The following NPAS1 variants were observed in gnomAD, a reference collection of about 807,000 sequenced individuals.
The protein encoded by NPAS1 is neuronal PAS domain-containing protein 1.
NPAS1 carries 29 observed loss-of-function variants against 49.2 expected under a neutral mutation model. That is an observed-to-expected ratio of 0.59 (90% CI 0.44 to 0.80). NPAS1 has a LOEUF of 0.80. Ranked by LOEUF, NPAS1 falls within the 30% of genes least tolerant of loss-of-function variation. NPAS1 has a pLI of 0.00. For missense variants in NPAS1, 825 were observed against 835.5 expected (o/e 0.99, Z 0.15); for synonymous variants, 408 against 380.4 (o/e 1.07, Z -0.84).
intron 3 of NPAS1, among the ~76,000 whole-genome samples, chr19:47,025,041 C>T (rs1189437392): frequency 7.3e-6 from 1 of 136,610 alleles, no homozygotes; most frequent in African/African-American, 2.5e-5. Flanking sequence ...GAACTCCTGA[C>T]CTCCTTATCC....
chr19:47,025,357 C>T (rs1230059876), intron 3 of NPAS1, among the ~76,000 whole-genome samples: 1 of 134,120 alleles, frequency 7.5e-6, no homozygotes, highest in Non-Finnish European at 1.7e-5. Flanking sequence ...CGGCTCACTG[C>T]AACCTCCTTC....
At chr19:47,042,066 G>T (rs982877197) in intron 10 of NPAS1, among the ~76,000 whole-genome samples, 1 of 151,776 alleles carries the variant, frequency 6.6e-6, no homozygotes, top group African/African-American at 2.4e-5. Context: ...CCAGCACTTT[G>T]GGAGGCCGAG....
chr19:47,021,068 C>G lies in NPAS1; in HGVS notation c.21C>G (p.Gly7=), dbSNP rs1315557287. 1.9e-6 allele frequency: 3 copies of G among 1,606,460 alleles called. No individual in the cohort carries two copies. Among genetic ancestry groups the G allele is most frequent in the Non-Finnish European group, 2.5e-6 (3 of 1,177,482 alleles). Residue 7 remains glycine (G), a synonymous_variant, in exon 2 of 12, where the codon GGC becomes GGG. Coordinates refer to ENST00000602212, the MANE Select transcript of NPAS1 (RefSeq NM_002517.4). This position sits in a 1 kb window ranked among gnomAD's most constrained non-coding sequence, Gnocchi z 5.7. MAAPYP[G]SGGGSEVKCV... ...CGGAGATGGCGGCCCCCTATCCCGG[C>G]AGTGGCGGCGGAAGCGAGGTCAAAT...
chr19:47,045,262 C>CGCAT lies in NPAS1; in HGVS notation c.1385_1388dup (p.Ile463MetfsTer150). The CGCAT allele has an allele frequency of 6.2e-7, 1 of 1,614,014 alleles. No individual in the cohort carries two copies. Among genetic ancestry groups the CGCAT allele is most frequent in the Non-Finnish European group, 8.5e-7 (1 of 1,179,998 alleles). On this transcript the variant is annotated frameshift_variant, in exon 12 of 12. Transcript: ENST00000602212. LOFTEE classifies it low-confidence loss of function (END_TRUNC). Reference sequence around the variant, plus strand: ...CGAGGCCCCCCAGACCCAGGGCAAACGCATCAAAGTGGAGCCCGGCCCGAG... The same window carrying CGCAT: ...CGAGGCCCCCCAGACCCAGGGCAAACGCATGCATCAAAGTGGAGCCCGGCCCGAG...
intron 11 of NPAS1, among the ~76,000 whole-genome samples, chr19:47,043,617 C>T (rs992280194): frequency 6.6e-6 from 1 of 151,958 alleles, no homozygotes; most frequent in African/African-American, 2.4e-5. Flanking sequence ...ATTAGCTGGG[C>T]ATGGTGGCAC....
chr19:47,022,388 C>T (rs2056847792), intron 3 of NPAS1, among the ~76,000 whole-genome samples: 2 of 152,216 alleles, frequency 1.3e-5, no homozygotes, highest in South Asian at 4.1e-4. Flanking sequence ...AGCCACCTCC[C>T]AGCTTTGCAA....
chr19:47,028,855 C>G (rs2056889387), intron 3 of NPAS1, among the ~76,000 whole-genome samples: 1 of 152,058 alleles, frequency 6.6e-6, no homozygotes, highest in Non-Finnish European at 1.5e-5. Flanking sequence ...TCAGGGTCAC[C>G]CAGGGGTCCT....
chr19:47,037,052 GAAAAAA>G (rs150861252), intron 6 of NPAS1, among the ~76,000 whole-genome samples: 1 of 120,644 alleles, frequency 8.3e-6, no homozygotes, highest in African/African-American at 3.2e-5. Flanking sequence ...CCAGTGTCTG[GAAAAAA>G]AAAAAAAAAA....
At position 47,023,926 on chromosome 19, in the gene NPAS1, A is replaced by G. The variant is rs1308136638; in HGVS notation, c.358+2079A>G. 5.3e-5 allele frequency among the ~76,000 whole-genome samples: 8 copies of G among 151,968 alleles called. No individual in the cohort carries two copies. In the South Asian group the frequency reaches 1.0e-3, roughly 20 times the overall value. Reference sequence around the variant, plus strand: ...TCGAGACCATCCTGGCCAACATGGTAAAATCCCATCTCTACTAAAATACAA... The same window carrying G: ...TCGAGACCATCCTGGCCAACATGGTGAAATCCCATCTCTACTAAAATACAA... On this transcript the variant is annotated intron_variant, in intron 3 of 11. Coordinates refer to ENST00000602212, the MANE Select transcript of NPAS1 (RefSeq NM_002517.4).
At chr19:47,042,533 G>A (rs1182242870) in intron 10 of NPAS1, among the ~76,000 whole-genome samples, 1 of 152,212 alleles carries the variant, frequency 6.6e-6, no homozygotes, top group Non-Finnish European at 1.5e-5. Context: ...GGAAGATGTA[G>A]ACATCAGATG....
At chr19:47,038,952 T>C in intron 6 of NPAS1, 84 bp from the exon 7 acceptor site, 1 of 1,163,858 alleles carries the variant, frequency 8.6e-7, no homozygotes, top group Non-Finnish European at 1.3e-6. Context: ...CTTGTGTCTA[T>C]GTCCGGCTGG....
At chr19:47,026,995 CAG>C (rs2056875347) in intron 3 of NPAS1, among the ~76,000 whole-genome samples, 1 of 151,966 alleles carries the variant, frequency 6.6e-6, no homozygotes, top group Non-Finnish European at 1.5e-5. Context: ...GCATGACTCC[CAG>C]TATTAGGCAC....
chr19:47,023,414 C>T (rs530636141), intron 3 of NPAS1, among the ~76,000 whole-genome samples: 2 of 152,224 alleles, frequency 1.3e-5, no homozygotes, highest in South Asian at 4.1e-4. Flanking sequence ...CCCACCTCGA[C>T]CACGGTGCCA....
At chr19:47,020,823 G>A (rs2056834179) in intron 1 of NPAS1, 183 bp from the exon 2 acceptor site, 2 of 379,980 alleles carry the variant, frequency 5.3e-6, no homozygotes, top group African/African-American at 4.2e-5. Context: ...TCCTCACCCG[G>A]AGCGCCAGCC....
Position 47,021,238 on chromosome 19 carries a change from C to A in NPAS1, c.122+69C>A. 1 of 1,387,816 alleles carries A rather than the reference C, an allele frequency of 7.2e-7. No homozygotes were observed. Among genetic ancestry groups the A allele is most frequent in the Non-Finnish European group, 9.6e-7 (1 of 1,040,198 alleles). 86.0% of individuals were successfully genotyped at this position (1,387,816 alleles called of 1,614,324 possible). ...TCCAATTCACACCCGATGTTCTGTC[C>A]CCGTGCCAAGGGGCAGTTCACACCC... On this transcript the variant is annotated intron_variant, in intron 2 of 11. Transcript: ENST00000602212. This position sits in a 1 kb window ranked among gnomAD's most constrained non-coding sequence, Gnocchi z 5.7.
In NPAS1 at chr19:47,041,115, C is replaced by G. The variant is rs1203920902; in HGVS notation, c.1207C>G (p.His403Asp). ...GGAGCACCATGTGCTTTGGGTCAGC[C>G]ACGTGCTCAGGTGAGGGCTGTGCCC... ...PGEHHVLWVS[H>D]VLSQAEGGQT... The change falls in exon 10 of 12, where the codon CAC (histidine) becomes GAC (aspartate). Residue 403 changes from histidine (H) to aspartate (D), a missense_variant. Coordinates refer to ENST00000602212, the MANE Select transcript of NPAS1 (RefSeq NM_002517.4). The G allele has an allele frequency of 6.3e-7, 1 of 1,588,030 alleles. No homozygotes were observed. The highest frequency in any genetic ancestry group is 2.3e-5 in the East Asian group (1 of 44,226).
intron 3 of NPAS1, among the ~76,000 whole-genome samples, chr19:47,024,885 C>T (rs754994469): frequency 1.4e-5 from 2 of 141,842 alleles, no homozygotes; most frequent in South Asian, 2.2e-4. Flanking sequence ...TCTCTGCTCA[C>T]TGCAATCTCC....
At chr19:47,035,251 G>C (rs1243521329) in intron 5 of NPAS1, 1 of 151,530 alleles carries the variant, frequency 6.6e-6, no homozygotes, top group African/African-American at 2.4e-5. Context: ...AAGCTGGCGT[G>C]GGGGAGGATT....
At chr19:47,031,545 T>G (rs2056905805) in intron 3 of NPAS1, among the ~76,000 whole-genome samples, 1 of 138,638 alleles carries the variant, frequency 7.2e-6, no homozygotes, top group Non-Finnish European at 1.5e-5. Context: ...CTTTTTTTTT[T>G]TTTGAGATGG....
Sources: allele counts gnomAD v4.1 joint callset (sites outside exome capture counted in the v4.1 genomes callset), GRCh38; gene constraint gnomAD v4.1.1; non-coding constraint Gnocchi (gnomAD v3.1); transcripts MANE v1.5; gene names NCBI Gene and HGNC (gene_info 2026-07-23, HGNC 2026-07-21).